TEX51: variants seen among roughly 807,000 people sequenced by gnomAD.
TEX51 encodes the protein testis expressed 51, also known as testis-expressed protein 51.
Under a neutral mutation model 8.0 loss-of-function variants are expected in TEX51, and 14 were observed. The ratio of observed to expected loss-of-function variants is 1.76; its 90% CI spans 1.16 to 2.75. The LOEUF is 2.75. Among genes scored for constraint, TEX51 ranks in the 30% most tolerant of loss-of-function variants. TEX51 has a pLI of 0.00. For missense variants in TEX51, 142 were observed against 77.4 expected (o/e 1.83, Z -3.13); for synonymous variants, 58 against 28.6 (o/e 2.03, Z -3.29).
At position 126,902,005 on chromosome 2, in the gene TEX51, C is replaced by G; in HGVS notation, c.*136C>G. 1 of 571,826 alleles carries G rather than the reference C, an allele frequency of 1.7e-6. No homozygotes were observed. Among genetic ancestry groups the G allele is most frequent in the East Asian group, 3.2e-5 (1 of 31,342 alleles). 35.4% of individuals were successfully genotyped at this position (571,826 alleles called of 1,614,324 possible). ...CATCCTGGGTCCTGGGGCCCCAAAG[C>G]TCTGAGGCCTAGGAGACTGCGCTGT... On this transcript the variant is annotated 3_prime_UTR_variant, in exon 7 of 7. Coordinates refer to ENST00000568484, the MANE Select transcript of TEX51 (RefSeq NM_001322244.2).
chr2:126,901,688 C>G (rs1680340028), intron 6 of TEX51, among the ~76,000 whole-genome samples, 184 bp from the exon 7 acceptor site: 1 of 152,216 alleles, frequency 6.6e-6, no homozygotes, highest in Non-Finnish European at 1.5e-5. Flanking sequence ...GTCCCCTGCA[C>G]ACCCCACCTT....
chr2:126,900,946 T>C (rs1346189035), intron 4 of TEX51, among the ~76,000 whole-genome samples: 1 of 152,188 alleles, frequency 6.6e-6, no homozygotes, highest in Non-Finnish European at 1.5e-5. Flanking sequence ...CTAAGAAGCT[T>C]TCCCTGATCA....
chr2:126,899,702 G>C, intron 3 of TEX51, 90 bp downstream of exon 3: 1 of 694,404 alleles, frequency 1.4e-6, no homozygotes. Context: ...CAGCCCCCTC[G>C]ATCATCCCCA....
Position 126,901,983 on chromosome 2 carries a change from C to G in TEX51, c.*114C>G. On this transcript the variant is annotated 3_prime_UTR_variant, in exon 7 of 7. Transcript: ENST00000568484. ...GACCCCATCCCCCCATACCCTCCAT[C>G]CTGGGTCCTGGGGCCCCAAAGCTCT... The G allele has an allele frequency of 1.7e-6, 1 of 605,770 alleles. No individual in the cohort carries two copies. Among genetic ancestry groups the G allele is most frequent in the Non-Finnish European group, 3.0e-6 (1 of 337,884 alleles). 37.5% of individuals were successfully genotyped at this position (605,770 alleles called of 1,614,324 possible). A position where few individuals can be genotyped will look rare whatever the true frequency, so the allele number is the denominator to read the frequency against.
chr2:126,901,675 C>T (rs1450468762), intron 6 of TEX51, 197 bp from the exon 7 acceptor site: 8 of 593,132 alleles, frequency 1.3e-5, no homozygotes, highest in South Asian at 2.1e-5. Flanking sequence ...CCCAGCTGTC[C>T]CTGTCCCCTG....
At chr2:126,900,417 A>C (rs1680268221) in intron 4 of TEX51, among the ~76,000 whole-genome samples, 1 of 151,790 alleles carries the variant, frequency 6.6e-6, no homozygotes, top group Non-Finnish European at 1.5e-5. Flanking sequence ...AGAAAGAAAA[A>C]AGAAAAGAAA....
In TEX51 at chr2:126,901,442, C is replaced by T. The variant is rs960577609; in HGVS notation, c.*2+38C>T. 10 of 701,760 alleles carry T rather than the reference C, an allele frequency of 1.4e-5. No individual in the cohort carries two copies. The African/African-American group carries it at 1.7e-4, about 12-fold the overall frequency. The allele number at this position is 701,760 out of a possible 1,614,324, so 43.5% of individuals were successfully genotyped here. On this transcript the variant is annotated intron_variant, in intron 6 of 6. Coordinates refer to ENST00000568484, the MANE Select transcript of TEX51 (RefSeq NM_001322244.2). ...GAGACCCCGACCCAATTCTAGGGCTCCCAGAGGGAAAAGCTGGGTGTGCCC... is the reference window on the plus strand; with the variant it reads ...GAGACCCCGACCCAATTCTAGGGCTTCCAGAGGGAAAAGCTGGGTGTGCCC...
intron 4 of TEX51, among the ~76,000 whole-genome samples, chr2:126,900,700 T>G (rs1211422174): frequency 6.6e-6 from 1 of 152,166 alleles, no homozygotes; most frequent in Non-Finnish European, 1.5e-5. Context: ...CACTCTGAAC[T>G]TCTTCTCAAC....
At chr2:126,899,909 CT>C (rs1680235351) in intron 3 of TEX51, 26 bp from the exon 4 acceptor site, 1 of 702,216 alleles carries the variant, frequency 1.4e-6, no homozygotes, top group Non-Finnish European at 2.6e-6. Flanking sequence ...CTGGCACCCC[CT>C]AGCCCCTGTC....
At chr2:126,900,866 CG>C (rs1331045086) in intron 4 of TEX51, among the ~76,000 whole-genome samples, 1 of 152,170 alleles carries the variant, frequency 6.6e-6, no homozygotes, top group Non-Finnish European at 1.5e-5. Flanking sequence ...TGTCCTGTGC[CG>C]GGGACACAGC....
chr2:126,901,707 C>T (rs1490362724), intron 6 of TEX51, among the ~76,000 whole-genome samples, 165 bp from the exon 7 acceptor site: 1 of 152,204 alleles, frequency 6.6e-6, no homozygotes, highest in Admixed American at 6.5e-5. Context: ...TTCACCCCTG[C>T]TGCCCTGCCC....
intron 4 of TEX51, among the ~76,000 whole-genome samples, chr2:126,900,884 C>G (rs1431210362): frequency 1.3e-5 from 2 of 152,212 alleles, no homozygotes; most frequent in African/African-American, 2.4e-5. Flanking sequence ...CAGCCTTGCC[C>G]TTGAACTGAT....
chr2:126,902,068 C>A lies in TEX51; in HGVS notation c.*199C>A. 1.5e-5 allele frequency: 7 copies of A among 460,386 alleles called. No individual in the cohort carries two copies. The highest frequency in any genetic ancestry group is 8.5e-5 in the Admixed American group (2 of 23,486). The allele number at this position is 460,386 out of a possible 1,614,324, so 28.5% of individuals were successfully genotyped here. On this transcript the variant is annotated 3_prime_UTR_variant, in exon 7 of 7. Coordinates refer to ENST00000568484, the MANE Select transcript of TEX51 (RefSeq NM_001322244.2). ...CTACTCCTACACCTTTGTAAAGAGT[C>A]TCTTCATTAAAACCCCTCTTCATAG...
chr2:126,900,867 G>A (rs529181218), intron 4 of TEX51, among the ~76,000 whole-genome samples: 5 of 152,262 alleles, frequency 3.3e-5, no homozygotes, highest in East Asian at 3.9e-4. Flanking sequence ...GTCCTGTGCC[G>A]GGGACACAGC....
At chr2:126,900,053 T>A (rs1680245384) in intron 4 of TEX51, 34 bp downstream of exon 4, 1 of 700,142 alleles carries the variant, frequency 1.4e-6, no homozygotes, top group Admixed American at 2.0e-5. Context: ...GCCTCTCCCC[T>A]CCCTGCCCTG....
rs771175198 is a variant in TEX51 at position 126,899,627 on chromosome 2, C to T, written c.310+15C>T. On this transcript the variant is annotated intron_variant, in intron 3 of 6. Transcript: ENST00000568484. ...GAAGGAGAAGGGTAAGGGGTGGGGACGATCCCTGCACACGGCCCAGCCCTC... is the reference window on the plus strand; with the variant it reads ...GAAGGAGAAGGGTAAGGGGTGGGGATGATCCCTGCACACGGCCCAGCCCTC... 3.9e-5 allele frequency: 27 copies of T among 699,670 alleles called. No homozygotes were observed. The highest frequency in any genetic ancestry group is 2.4e-4 in the Middle Eastern group (1 of 4,186). The allele number at this position is 699,670 out of a possible 1,614,324, so 43.3% of individuals were successfully genotyped here.
rs1224302737 is a variant in TEX51 at position 126,901,218 on chromosome 2, C to T, written c.403C>T (p.Arg135Trp). 2.0e-5 allele frequency: 13 copies of T among 659,754 alleles called. No individual in the cohort carries two copies. The highest frequency in any genetic ancestry group is 3.3e-5 in the South Asian group (2 of 61,228). The allele number at this position is 659,754 out of a possible 1,614,324, so 40.9% of individuals were successfully genotyped here. Reference sequence around the variant, plus strand: ...CCTCTTTCACACCCCAGCCAGGAACCGGCGGACCTCCCTGTGGGCTGTGAG... The same window carrying T: ...CCTCTTTCACACCCCAGCCAGGAACTGGCGGACCTCCCTGTGGGCTGTGAG... ...NDPTFCPARN[R>W]RTSLWAVSLS... is the part of the protein sequence containing the mutation. The change falls in exon 5 of 7, where the codon CGG becomes TGG. Residue 135 changes from arginine (R) to tryptophan (W), a missense_variant. Coordinates refer to ENST00000568484, the MANE Select transcript of TEX51 (RefSeq NM_001322244.2).
rs1558748200 is a variant in TEX51, at chr2:126,901,948, G to A, written c.*79G>A. ...ACCGTCACAAAGTTCACTCATCTCT[G>A]GGTCCCGGTGACCCCATCCCCCCAT... is the stretch of plus-strand genomic sequence containing the variant. On this transcript the variant is annotated 3_prime_UTR_variant, in exon 7 of 7. Transcript: ENST00000568484. 2 of 669,134 alleles carry A rather than the reference G, an allele frequency of 3.0e-6. No homozygotes were observed. Among genetic ancestry groups the A allele is most frequent in the Admixed American group, 2.2e-5 (1 of 46,148 alleles). 41.4% of individuals were successfully genotyped at this position (669,134 alleles called of 1,614,324 possible).
rs535867285 is a variant in TEX51 at position 126,900,809 on chromosome 2, G to T, written c.395-401G>T. ...CTCCTCGGGAGCCCCCTACTCCCCA[G>T]GCACACTAAGTGCATACAGGCAGCT... On this transcript the variant is annotated intron_variant, in intron 4 of 6. Coordinates refer to ENST00000568484, the MANE Select transcript of TEX51 (RefSeq NM_001322244.2). Among the ~76,000 whole-genome samples, 79 of 152,258 alleles carry T rather than the reference G, an allele frequency of 5.2e-4. 3 individuals carry two copies. In the South Asian group the frequency reaches 0.016, roughly 30 times the overall value.
Sources: gnomAD v4.1 joint callset for allele counts (sites outside exome capture counted in the v4.1 genomes callset) on GRCh38, gnomAD v4.1.1 for gene constraint, MANE v1.5 for transcripts, NCBI Gene and HGNC (gene_info 2026-07-23, HGNC 2026-07-21) for gene names.